Variants in NOL4 observed in about 807,000 individuals in gnomAD.
NOL4 encodes cancer/testis antigen 125.
Under a neutral mutation model 75.9 loss-of-function variants are expected in NOL4, and 17 were observed. That is an observed-to-expected ratio of 0.22 (90% confidence interval 0.15 to 0.34). The LOEUF (loss-of-function observed/expected upper bound fraction) is 0.34, where lower values mean the gene tolerates loss of function less well. Ranked by LOEUF, NOL4 falls within the 10% of genes least tolerant of loss-of-function variation. The pLI, the probability that NOL4 is intolerant of heterozygous loss-of-function variation, is 1.00. For missense variants in NOL4, 614 were observed against 793.5 expected (o/e 0.77, Z 2.72); for synonymous variants, 292 against 289.9 (o/e 1.01, Z -0.07).
At chr18:34,089,670 T>C (rs976222427) in intron 5 of NOL4, among the ~76,000 whole-genome samples, 1 of 152,226 alleles carries the variant, frequency 6.6e-6, no homozygotes, top group Non-Finnish European at 1.5e-5. Flanking sequence ...GCTTTTCTTT[T>C]GTTTTCAACT....
chr18:33,952,905 C>T (rs1161458990), intron 8 of NOL4, among the ~76,000 whole-genome samples: 1 of 152,158 alleles, frequency 6.6e-6, no homozygotes, highest in Non-Finnish European at 1.5e-5. Context: ...GCCTGGGCAA[C>T]AAGAGTGAAA....
chr18:34,083,823 C>T lies in NOL4; in HGVS notation c.772+9642G>A, dbSNP rs190455693. 2.1e-3 allele frequency among the ~76,000 whole-genome samples: 322 copies of T among 152,254 alleles called. 5 individuals are homozygous for T. Among genetic ancestry groups the T allele is most frequent in the African/African-American group, 7.2e-3 (301 of 41,556 alleles). On this transcript the variant is annotated intron_variant, in intron 5 of 10. Transcript: ENST00000261592. ...AGGAAGAATTCACAGGCCTCAGGAACCCCAAAGTAAGATATAAAAAAGACA... is the reference window on the plus strand; with the variant it reads ...AGGAAGAATTCACAGGCCTCAGGAATCCCAAAGTAAGATATAAAAAAGACA...
intron 10 of NOL4, among the ~76,000 whole-genome samples, chr18:33,862,988 A>T (rs1166591244): frequency 6.6e-6 from 1 of 152,226 alleles, no homozygotes; most frequent in African/African-American, 2.4e-5. Flanking sequence ...TTATTGCGGC[A>T]CTGTTCACAA....
At chr18:34,059,122 CATATATATATAT>C (rs55773398) in intron 5 of NOL4, among the ~76,000 whole-genome samples, 3,559 of 118,202 alleles carry the variant, frequency 0.03, 75 homozygotes, top group African/African-American at 0.037. Context: ...GATAGATATA[CATATATATATAT>C]ATATATATAT....
At chr18:34,067,450 G>A (rs1313625804) in intron 5 of NOL4, among the ~76,000 whole-genome samples, 1 of 152,160 alleles carries the variant, frequency 6.6e-6, no homozygotes, top group Non-Finnish European at 1.5e-5. Flanking sequence ...ATCGGGCTTA[G>A]AATCTACTGT....
chr18:34,135,847 G>C (rs1057252477), intron 1 of NOL4, among the ~76,000 whole-genome samples: 2 of 152,008 alleles, frequency 1.3e-5, no homozygotes, highest in East Asian at 3.9e-4. Context: ...AATGAGGCCA[G>C]CATTATCTTG....
chr18:34,202,775 T>A (rs1186149980), intron 1 of NOL4, among the ~76,000 whole-genome samples: 1 of 152,040 alleles, frequency 6.6e-6, no homozygotes, highest in Non-Finnish European at 1.5e-5. Flanking sequence ...GTTATTGGTA[T>A]AAATTGTTAT....
At chr18:34,202,584 A>G (rs1376407199) in intron 1 of NOL4, among the ~76,000 whole-genome samples, 1 of 152,008 alleles carries the variant, frequency 6.6e-6, no homozygotes, top group Non-Finnish European at 1.5e-5. Context: ...CACACAATCT[A>G]TAAGGTGAAC....
chr18:34,164,371 T>C (rs925765647), intron 1 of NOL4, among the ~76,000 whole-genome samples: 5 of 151,858 alleles, frequency 3.3e-5, no homozygotes, highest in Admixed American at 2.6e-4. Context: ...CCAGAATCTA[T>C]AATGAACTCA....
chr18:34,044,331 A>G (rs1451218266), intron 5 of NOL4, among the ~76,000 whole-genome samples: 1 of 152,086 alleles, frequency 6.6e-6, no homozygotes, highest in African/African-American at 2.4e-5. Context: ...GATAATTACT[A>G]CAAAATGCTT....
chr18:34,024,993 G>A (rs1296680546), intron 5 of NOL4, among the ~76,000 whole-genome samples: 1 of 152,060 alleles, frequency 6.6e-6, no homozygotes, highest in East Asian at 1.9e-4. Context: ...CTACCCAGTA[G>A]AATACGCAAT....
chr18:33,953,861 C>G (rs1352116518), intron 8 of NOL4, among the ~76,000 whole-genome samples: 1 of 152,148 alleles, frequency 6.6e-6, no homozygotes, highest in Non-Finnish European at 1.5e-5. Flanking sequence ...GGGTGATATA[C>G]AGTACGTGGC....
chr18:34,083,799 G>A (rs942747018), intron 5 of NOL4, among the ~76,000 whole-genome samples: 3 of 152,104 alleles, frequency 2.0e-5, no homozygotes, highest in African/African-American at 7.2e-5. Context: ...TTGTAGAAAA[G>A]GAAGAATTCA....
At chr18:34,057,721 T>C (rs1343486931) in intron 5 of NOL4, among the ~76,000 whole-genome samples, 1 of 152,156 alleles carries the variant, frequency 6.6e-6, no homozygotes, top group African/African-American at 2.4e-5. Flanking sequence ...ACTTGAAAGA[T>C]TTTGAGGGTA....
At chr18:34,087,567 T>C (rs79902447) in intron 5 of NOL4, among the ~76,000 whole-genome samples, 5,165 of 152,202 alleles carry the variant, frequency 0.034, 91 homozygotes, top group Middle Eastern at 0.048. Context: ...TCATATGGTT[T>C]AATCTAATAT....
intron 1 of NOL4, among the ~76,000 whole-genome samples, chr18:34,206,302 A>C (rs1413892781): frequency 6.6e-6 from 1 of 152,248 alleles, no homozygotes; most frequent in Admixed American, 6.5e-5. Context: ...TCAGTCATAC[A>C]TATTTTAAAT....
At chr18:34,159,956 C>G (rs1192074645) in intron 1 of NOL4, among the ~76,000 whole-genome samples, 2 of 152,098 alleles carry the variant, frequency 1.3e-5, no homozygotes, top group African/African-American at 4.8e-5. Context: ...CCAGTCATCC[C>G]TGGCCAGGTA....
At chr18:34,160,514 G>T (rs1337054333) in intron 1 of NOL4, among the ~76,000 whole-genome samples, 2 of 152,044 alleles carry the variant, frequency 1.3e-5, no homozygotes, top group Admixed American at 1.3e-4. Flanking sequence ...TAGCTAACTA[G>T]CACCTATGGC....
intron 10 of NOL4, among the ~76,000 whole-genome samples, chr18:33,868,900 A>G (rs970706724): frequency 6.6e-6 from 1 of 152,050 alleles, no homozygotes; most frequent in Non-Finnish European, 1.5e-5. Context: ...TATTATAAAA[A>G]TCCAATACAA....
Sources: allele counts gnomAD v4.1 joint callset (sites outside exome capture counted in the v4.1 genomes callset), GRCh38; gene constraint gnomAD v4.1.1; transcripts MANE v1.5; gene names NCBI Gene and HGNC (gene_info 2026-07-23, HGNC 2026-07-21).